USP47: variants seen among roughly 807,000 people sequenced by gnomAD.
USP47 encodes the protein ubiquitin carboxyl-terminal hydrolase 47.
USP47 carries 35 observed loss-of-function variants against 165.1 expected under a neutral mutation model. The observed-to-expected ratio is 0.21, with a 90% CI of 0.16 to 0.28. USP47 has a LOEUF of 0.28. Ranked by LOEUF, USP47 falls within the 10% of genes least tolerant of loss-of-function variation. USP47 has a pLI of 1.00. For synonymous variants in USP47, 531 were observed against 544.5 expected, an observed-to-expected ratio of 0.98 and a Z score of 0.35; for missense variants, 1,277 against 1,607.4, an observed-to-expected ratio of 0.79 and a Z score of 3.52.
At chr11:11,854,907 C>T (rs1361476585) in intron 1 of USP47, among the ~76,000 whole-genome samples, 1 of 146,114 alleles carries the variant, frequency 6.8e-6, no homozygotes, top group African/African-American at 2.4e-5. Flanking sequence ...TCCTGGCTAA[C>T]ACGGTGAAAC....
chr11:11,955,243 T>C (rs1011445981), intron 27 of USP47, 79 bp downstream of exon 27: 27 of 1,522,770 alleles, frequency 1.8e-5, no homozygotes, highest in Non-Finnish European at 2.4e-5. Flanking sequence ...ATAAATATCT[T>C]TACTGTTTTT....
At chr11:11,875,990 A>G (rs926562443) in intron 1 of USP47, among the ~76,000 whole-genome samples, 1 of 152,120 alleles carries the variant, frequency 6.6e-6, no homozygotes. Flanking sequence ...GCCACAGAGC[A>G]CTCTATTAGC....
At chr11:11,877,169 C>T (rs1850485777) in intron 1 of USP47, among the ~76,000 whole-genome samples, 1 of 151,344 alleles carries the variant, frequency 6.6e-6, no homozygotes, top group African/African-American at 2.4e-5. Flanking sequence ...AAACTATTGC[C>T]ATATCTTATT....
intron 16 of USP47, 128 bp downstream of exon 16, chr11:11,934,063 T>C (rs1312589340): frequency 3.0e-6 from 2 of 666,026 alleles, no homozygotes; most frequent in East Asian, 5.8e-5. Context: ...TTAATTTATC[T>C]CTTACCGAGT....
chr11:11,858,398 T>A (rs893726701), intron 1 of USP47, among the ~76,000 whole-genome samples: 2 of 152,210 alleles, frequency 1.3e-5, no homozygotes, highest in Non-Finnish European at 2.9e-5. Context: ...AGGTATTATT[T>A]ATATATAGAA....
intron 4 of USP47, among the ~76,000 whole-genome samples, chr11:11,893,290 A>G (rs1158304403): frequency 6.6e-6 from 1 of 152,208 alleles, no homozygotes; most frequent in African/African-American, 2.4e-5. Context: ...CTTTGATTGC[A>G]TATGTCATTA....
intron 1 of USP47, among the ~76,000 whole-genome samples, chr11:11,842,463 G>T (rs1848183706): frequency 6.6e-6 from 1 of 152,260 alleles, no homozygotes. Flanking sequence ...ACGAATAAAG[G>T]AGCGGACGGG....
Position 11,903,264 on chromosome 11 carries a change from T to G in USP47, c.741T>G (p.Ala247=). 1.2e-6 allele frequency: 2 copies of G among 1,607,892 alleles called. No individual in the cohort carries two copies. Among genetic ancestry groups the G allele is most frequent in the Non-Finnish European group, 1.7e-6 (2 of 1,177,124 alleles). ...TRSFGWDSSE[A]WQQHDVQELC... ...TAATTGAATTTTATCTTAAAACAGC[T>G]TGGCAGCAGCATGATGTACAAGAAC... Residue 247 remains alanine (A), a splice_region_variant and synonymous_variant, in exon 7 of 28, where the codon GCT becomes GCG. Coordinates refer to ENST00000527733, the MANE Select transcript of USP47 (RefSeq NM_001282659.2).
Position 11,938,960 on chromosome 11 carries a change from A to C in USP47, c.2193+588A>C, listed in dbSNP as rs142272823. Among the ~76,000 whole-genome samples the C allele has an allele frequency of 2.3e-4, 35 of 152,082 alleles. No homozygotes were observed. The East Asian group carries it at 6.4e-3, about 28-fold the overall frequency. On this transcript the variant is annotated intron_variant, in intron 18 of 27. Coordinates refer to ENST00000527733, the MANE Select transcript of USP47 (RefSeq NM_001282659.2). Reference sequence around the variant, plus strand: ...GAGCCAGGGGTTTCAAACTTGGGTAACCAGAAAAGTAGGGATACATTAATA... The same window carrying C: ...GAGCCAGGGGTTTCAAACTTGGGTACCCAGAAAAGTAGGGATACATTAATA...
chr11:11,951,390 C>G (rs1242988374), intron 24 of USP47: 4 of 152,124 alleles, frequency 2.6e-5, no homozygotes, highest in Admixed American at 6.6e-5. Flanking sequence ...CACAATTCAA[C>G]CCATAGCAGT....
At chr11:11,869,730 A>G (rs996215584) in intron 1 of USP47, among the ~76,000 whole-genome samples, 1 of 152,142 alleles carries the variant, frequency 6.6e-6, no homozygotes, top group Non-Finnish European at 1.5e-5. Context: ...TTCTATTATG[A>G]TAGTATTAAG....
At chr11:11,925,599 G>C (rs1854180987) in intron 11 of USP47, among the ~76,000 whole-genome samples, 1 of 148,968 alleles carries the variant, frequency 6.7e-6, no homozygotes, top group South Asian at 2.1e-4. Context: ...TGTTGATTTT[G>C]TATCCTGCAC....
At chr11:11,933,232 T>C in intron 15 of USP47, 116 bp downstream of exon 15, 3 of 859,068 alleles carry the variant, frequency 3.5e-6, no homozygotes, top group Non-Finnish European at 5.5e-6. Flanking sequence ...ATCATGATCA[T>C]TGAACAGTGT....
intron 10 of USP47, among the ~76,000 whole-genome samples, chr11:11,920,829 C>G (rs987541169): frequency 6.6e-6 from 1 of 151,724 alleles, no homozygotes; most frequent in East Asian, 1.9e-4. Flanking sequence ...TGAAACCAGC[C>G]TGAAGGTAAG....
chr11:11,958,159 G>C lies in USP47; in HGVS notation c.*1984G>C, dbSNP rs1200619023. 2.0e-5 allele frequency: 3 copies of C among 152,154 alleles called. No homozygotes were observed. In the East Asian group the frequency reaches 5.8e-4, roughly 29 times the overall value. 9.4% of individuals were successfully genotyped at this position (152,154 alleles called of 1,614,324 possible). On this transcript the variant is annotated 3_prime_UTR_variant, in exon 28 of 28. Coordinates refer to ENST00000527733, the MANE Select transcript of USP47 (RefSeq NM_001282659.2). ...AGAGGCAGACTTGTAAACACAATGG[G>C]CTTTGGAGTTTGGTCTGATTGGGTT...
chr11:11,850,279 A>T, intron 1 of USP47, among the ~76,000 whole-genome samples: 1 of 144,124 alleles, frequency 6.9e-6, no homozygotes, highest in Non-Finnish European at 1.5e-5. Context: ...TTTCTTGTCT[A>T]TTTTCATCTA....
intron 18 of USP47, among the ~76,000 whole-genome samples, chr11:11,939,226 G>A (rs1042114896): frequency 6.6e-6 from 1 of 151,978 alleles, no homozygotes; most frequent in African/African-American, 2.4e-5. Flanking sequence ...ACAAACGGCA[G>A]ATTTTGCAGG....
In USP47 at chr11:11,916,199, A is replaced by G. The variant is rs183408617; in HGVS notation, c.970-3957A>G. Among the ~76,000 whole-genome samples the G allele has an allele frequency of 3.9e-5, 6 of 152,320 alleles. No homozygotes were observed. In the East Asian group the frequency reaches 1.2e-3, roughly 29 times the overall value. On this transcript the variant is annotated intron_variant, in intron 8 of 27. Transcript: ENST00000527733. ...CATGGTGGCTCACGCCTGTAATCCT[A>G]GCACTTCGGGAGGTCAAGGCAGAGG...
chr11:11,927,370 T>G (rs1298353878), intron 11 of USP47, among the ~76,000 whole-genome samples: 2 of 152,106 alleles, frequency 1.3e-5, no homozygotes, highest in Admixed American at 6.5e-5. Flanking sequence ...GGTCTGTTGC[T>G]TAGTGTTACC....
Sources: gnomAD v4.1 joint callset for allele counts (sites outside exome capture counted in the v4.1 genomes callset) on GRCh38, gnomAD v4.1.1 for gene constraint, MANE v1.5 for transcripts, NCBI Gene and HGNC (gene_info 2026-07-23, HGNC 2026-07-21) for gene names.